Variants in ZNF521 observed in about 807,000 individuals in gnomAD.
ZNF521 encodes the protein zinc finger protein 521, also known as LYST-interacting protein 3.
A neutral mutation model predicts 105.5 loss-of-function variants in ZNF521; 14 were observed. That is an observed-to-expected ratio of 0.13 (90% CI 0.09 to 0.21). The LOEUF (loss-of-function observed/expected upper bound fraction) is 0.21, where lower values mean the gene tolerates loss of function less well. Among genes scored for constraint, ZNF521 ranks in the 10% least tolerant of loss-of-function variants. The pLI is 1.00. For missense variants in ZNF521, 1,233 were observed against 1,629.7 expected (o/e 0.76, Z 4.19); for synonymous variants, 635 against 606.0 (o/e 1.05, Z -0.70).
Position 25,225,601 on chromosome 18 carries a change from G to C in ZNF521, c.2317C>G (p.His773Asp). ...TTCCCTTGGTTTTCCAGGTGGTTGT[G>C]TTTCACATGGAGCTGCAAGTCAGTT... ...NETDLQLHVK[H>D]NHLENQGKVH... Residue 773 changes from histidine to aspartate, a missense_variant, in exon 4 of 8, where the codon CAC (histidine) becomes GAC (aspartate). His to Asp is a moderately conservative substitution (Grantham distance 81). Transcript: ENST00000361524. This position sits in a 1 kb window ranked among gnomAD's most constrained non-coding sequence, Gnocchi z 5.6. 1 of 1,614,184 alleles carries C rather than the reference G, an allele frequency of 6.2e-7. No homozygotes were observed. The highest frequency in any genetic ancestry group is 8.5e-7 in the Non-Finnish European group (1 of 1,180,028).
chr18:25,214,136 A>G (rs1430963208), intron 4 of ZNF521, among the ~76,000 whole-genome samples: 1 of 152,146 alleles, frequency 6.6e-6, no homozygotes, highest in Non-Finnish European at 1.5e-5. Context: ...ACACGATCCC[A>G]GAAGTAACTA....
intron 3 of ZNF521, among the ~76,000 whole-genome samples, chr18:25,268,929 A>G (rs1022327685): frequency 1.3e-5 from 2 of 152,184 alleles, no homozygotes; most frequent in African/African-American, 4.8e-5. Context: ...ACACATAACA[A>G]TATTAACCTT....
At chr18:25,085,653 ATG>A (rs10569576) in intron 7 of ZNF521, among the ~76,000 whole-genome samples, 78,038 of 144,022 alleles carry the variant, frequency 0.54, 21,713 homozygotes, top group South Asian at 0.66. Context: ...CCATATATAT[ATG>A]TGTGTGTGTG....
intron 5 of ZNF521, among the ~76,000 whole-genome samples, chr18:25,135,406 T>A (rs2034715573): frequency 6.6e-6 from 1 of 151,994 alleles, no homozygotes; most frequent in Non-Finnish European, 1.5e-5. Context: ...TTTCTTTTCC[T>A]TTTTGTTTGG....
chr18:25,103,288 A>G (rs1567962730), intron 5 of ZNF521, among the ~76,000 whole-genome samples: 1 of 152,132 alleles, frequency 6.6e-6, no homozygotes, highest in Non-Finnish European at 1.5e-5. Flanking sequence ...TATGACAATA[A>G]CCCAATGATT....
intron 4 of ZNF521, among the ~76,000 whole-genome samples, chr18:25,218,705 G>A (rs1272004229): frequency 6.6e-6 from 1 of 150,972 alleles, no homozygotes; most frequent in Non-Finnish European, 1.5e-5. Context: ...AAAATTAGCC[G>A]GGAATGGTGG....
chr18:25,151,255 T>C (rs2035042854), intron 5 of ZNF521, among the ~76,000 whole-genome samples: 1 of 152,174 alleles, frequency 6.6e-6, no homozygotes, highest in South Asian at 2.1e-4. Flanking sequence ...CTTCCTCTGA[T>C]TCATATCCTT....
chr18:25,235,036 A>G (rs1039015889), intron 3 of ZNF521, among the ~76,000 whole-genome samples: 1 of 152,224 alleles, frequency 6.6e-6, no homozygotes, highest in Non-Finnish European at 1.5e-5. Context: ...CTACTCACAG[A>G]TATCTTGAAA....
intron 4 of ZNF521, among the ~76,000 whole-genome samples, chr18:25,207,827 G>C (rs959399936): frequency 6.6e-6 from 1 of 152,106 alleles, no homozygotes; most frequent in African/African-American, 2.4e-5. Context: ...AAAAAGTTCT[G>C]CATAATCATT....
intron 5 of ZNF521, among the ~76,000 whole-genome samples, chr18:25,110,151 T>G (rs1040541117): frequency 6.6e-6 from 1 of 152,014 alleles, no homozygotes; most frequent in Non-Finnish European, 1.5e-5. Flanking sequence ...ACAGCAGAGT[T>G]TTATCAAAGT....
chr18:25,336,243 T>C (rs1471447518), intron 2 of ZNF521, among the ~76,000 whole-genome samples: 1 of 152,192 alleles, frequency 6.6e-6, no homozygotes, highest in East Asian at 1.9e-4. Context: ...AAGAAAATGC[T>C]TGTAGACAAA....
chr18:25,326,759 T>G (rs1243652993), intron 2 of ZNF521, among the ~76,000 whole-genome samples: 1 of 152,164 alleles, frequency 6.6e-6, no homozygotes, highest in Non-Finnish European at 1.5e-5. Context: ...AAACACAAGA[T>G]TCTGAGGATG....
At chr18:25,279,595 TA>T (rs1289205661) in intron 3 of ZNF521, among the ~76,000 whole-genome samples, 1 of 152,194 alleles carries the variant, frequency 6.6e-6, no homozygotes, top group Non-Finnish European at 1.5e-5. Context: ...AAAACAAGGT[TA>T]TATATGGTTG....
intron 5 of ZNF521, among the ~76,000 whole-genome samples, chr18:25,163,414 G>A (rs183059847): frequency 3.9e-5 from 6 of 152,266 alleles, no homozygotes; most frequent in African/African-American, 1.4e-4. Flanking sequence ...AATTAAGATT[G>A]GCCTGGTTTA....
chr18:25,164,183 T>G lies in ZNF521; in HGVS notation c.3658+30977A>C, dbSNP rs193110266. Among the ~76,000 whole-genome samples the G allele has an allele frequency of 1.8e-4, 27 of 152,214 alleles. No individual in the cohort carries two copies. The East Asian group carries it at 3.9e-3, about 22-fold the overall frequency. ...CCAAATAGCTTGAAGTAGGAATAGT[T>G]AAATAAAGTATGCTGGTTAACTGTG... is the stretch of plus-strand genomic sequence containing the variant. On this transcript the variant is annotated intron_variant, in intron 5 of 7. Coordinates refer to ENST00000361524, the MANE Select transcript of ZNF521 (RefSeq NM_015461.3).
intron 5 of ZNF521, among the ~76,000 whole-genome samples, chr18:25,153,864 C>T (rs4377227): frequency 6.6e-6 from 1 of 151,886 alleles, no homozygotes; most frequent in Non-Finnish European, 1.5e-5. Flanking sequence ...GTTCACCAGT[C>T]GTAATATCAA....
chr18:25,339,343 G>A (rs1212027624), intron 2 of ZNF521, among the ~76,000 whole-genome samples: 1 of 152,194 alleles, frequency 6.6e-6, no homozygotes, highest in Admixed American at 6.5e-5. Flanking sequence ...ACCATGTTCA[G>A]TATCTTTCAT....
At chr18:25,306,930 A>G (rs1281010698) in intron 3 of ZNF521, among the ~76,000 whole-genome samples, 1 of 152,144 alleles carries the variant, frequency 6.6e-6, no homozygotes, top group Non-Finnish European at 1.5e-5. Context: ...GGTGCTTTAA[A>G]CAATTCTACC....
At chr18:25,238,340 C>T (rs1414459481) in intron 3 of ZNF521, among the ~76,000 whole-genome samples, 1 of 152,148 alleles carries the variant, frequency 6.6e-6, no homozygotes. Flanking sequence ...CAAAAATTGC[C>T]TAACAACTCT....
Sources: allele counts gnomAD v4.1 joint callset (sites outside exome capture counted in the v4.1 genomes callset), GRCh38; gene constraint gnomAD v4.1.1; non-coding constraint Gnocchi (gnomAD v3.1); transcripts MANE v1.5; gene names NCBI Gene and HGNC (gene_info 2026-07-23, HGNC 2026-07-21).